NBEA: variants seen among roughly 807,000 people sequenced by gnomAD.
NBEA encodes neurobeachin, also known as lysosomal-trafficking regulator 2.
Under a neutral mutation model 343.4 loss-of-function variants are expected in NBEA, and 44 were observed. That is an observed-to-expected ratio of 0.13 (90% CI 0.10 to 0.16). The LOEUF is 0.16. Among genes scored for constraint, NBEA ranks in the 10% least tolerant of loss-of-function variants. NBEA has a pLI of 1.00. For synonymous variants in NBEA, 1,175 were observed against 1,238.7 expected (o/e 0.95, Z 1.08); for missense variants, 2,555 against 3,631.3 (o/e 0.70, Z 7.62).
Position 35,010,741 on chromosome 13 carries a change from AAT to A in NBEA, c.295-30154_295-30153del, listed in dbSNP as rs869140392. Among the ~76,000 whole-genome samples the A allele has an allele frequency of 9.7e-4, 31 of 31,958 alleles. No homozygotes were observed. The East Asian group carries it at 0.013, about 14-fold the overall frequency. 21.0% of individuals were successfully genotyped at this position (31,958 alleles called of 152,430 possible). ...TGGGTCTCTACAAAAAAAAAAAAAA[AAT>A]ATATATATATATATATATATATATA... On this transcript the variant is annotated intron_variant, in intron 1 of 58. Transcript: ENST00000379939.
intron 1 of NBEA, among the ~76,000 whole-genome samples, chr13:35,002,784 A>G (rs982072164): frequency 6.6e-6 from 1 of 152,048 alleles, no homozygotes; most frequent in Non-Finnish European, 1.5e-5. Context: ...GATGCCATGA[A>G]CTCTTGGAGT....
At position 35,159,506 on chromosome 13, in the gene NBEA, A is replaced by G. The variant is rs1461206721; in HGVS notation, c.3335A>G (p.His1112Arg). ...GTTGAGAAACTCCAGAACAATGTAC[A>G]TGGAAGTGTTGGTATCATTAAAAAA... ...AAVEKLQNNV[H>R]GSVGIIKKNE... Residue 1112 changes from histidine (H) to arginine (R), a missense_variant, in exon 22 of 59, where the codon CAT becomes CGT. By Grantham distance (29) the His-to-Arg change is conservative. Transcript: ENST00000379939. The G allele has an allele frequency of 4.3e-6, 7 of 1,613,232 alleles. No individual in the cohort carries two copies. Among genetic ancestry groups the G allele is most frequent in the African/African-American group, 2.7e-5 (2 of 74,910 alleles).
Position 35,349,221 on chromosome 13 carries a change from G to C in NBEA, c.6012+5G>C. Reference sequence around the variant, plus strand: ...CATAAACATGCAGAGTTTGAGGTAAGGTTTTGGGAGTAGACTAAATTCTGC... The same window carrying C: ...CATAAACATGCAGAGTTTGAGGTAACGTTTTGGGAGTAGACTAAATTCTGC... On this transcript the variant is annotated splice_donor_5th_base_variant and intron_variant, in intron 37 of 58. Transcript: ENST00000379939. 6.5e-7 allele frequency: 1 copy of C among 1,542,026 alleles called. No individual in the cohort carries two copies. The highest frequency in any genetic ancestry group is 8.9e-7 in the Non-Finnish European group (1 of 1,127,130).
At chr13:35,315,129 T>C (rs890356781) in intron 36 of NBEA, among the ~76,000 whole-genome samples, 1 of 152,216 alleles carries the variant, frequency 6.6e-6, no homozygotes, top group African/African-American at 2.4e-5. Flanking sequence ...AAATTCACTT[T>C]ATTTGGGTTG....
At chr13:35,171,185 A>G (rs886386575) in intron 25 of NBEA, 87 bp from the exon 26 acceptor site, 5 of 977,720 alleles carry the variant, frequency 5.1e-6, no homozygotes, top group Non-Finnish European at 6.3e-6. Flanking sequence ...TACTAAATTT[A>G]TGTTCACTTG....
At chr13:35,450,291 T>C (rs1594679278) in intron 39 of NBEA, among the ~76,000 whole-genome samples, 1 of 146,170 alleles carries the variant, frequency 6.8e-6, no homozygotes, top group Non-Finnish European at 1.5e-5. Context: ...CCTGAGAATA[T>C]AGTAAGAGCC....
chr13:35,193,792 A>C (rs930564597), intron 30 of NBEA, among the ~76,000 whole-genome samples: 2 of 151,936 alleles, frequency 1.3e-5, no homozygotes, highest in African/African-American at 4.8e-5. Flanking sequence ...AGATTAATCT[A>C]TTCTTTCAGT....
At chr13:35,654,189 A>G (rs965845157) in intron 53 of NBEA, among the ~76,000 whole-genome samples, 1 of 152,144 alleles carries the variant, frequency 6.6e-6, no homozygotes. Context: ...TCCTGACTTT[A>G]TTCAGATTCA....
intron 16 of NBEA, among the ~76,000 whole-genome samples, chr13:35,122,201 A>AC (rs1278815424): frequency 6.6e-6 from 1 of 152,192 alleles, no homozygotes; most frequent in Non-Finnish European, 1.5e-5. Flanking sequence ...TAAAAACTGA[A>AC]CAATATACTT....
rs750879560 is a variant in NBEA, at chr13:35,670,952, T to C, written c.8865T>C (p.Asp2955=). ...GTAGCATTGTAGCTTTTAATATAGATTTTAATCGGTGGCATTATGAGCATC... is the reference window on the plus strand; with the variant it reads ...GTAGCATTGTAGCTTTTAATATAGACTTTAATCGGTGGCATTATGAGCATC... ...ASGSIVAFNI[D]FNRWHYEHQN... The change falls in exon 59 of 59, where the codon GAT becomes GAC. Residue 2955 remains aspartate, a synonymous_variant. Coordinates refer to ENST00000379939, the MANE Select transcript of NBEA (RefSeq NM_001385012.1). The C allele has an allele frequency of 1.3e-6, 2 of 1,591,424 alleles. No individual in the cohort carries two copies. The highest frequency in any genetic ancestry group is 2.3e-5 in the South Asian group (2 of 87,074).
intron 24 of NBEA, 56 bp downstream of exon 24, chr13:35,164,565 T>A: frequency 6.5e-7 from 1 of 1,535,460 alleles, no homozygotes; most frequent in Non-Finnish European, 8.9e-7. Context: ...GACTTTAGCA[T>A]TTCAGTGGTG....
intron 33 of NBEA, among the ~76,000 whole-genome samples, chr13:35,228,573 A>G (rs763279944): frequency 2.1e-4 from 32 of 152,040 alleles, no homozygotes; most frequent in Non-Finnish European, 4.3e-4. Context: ...TCCAGTGTCT[A>G]TCATTCCATA....
intron 7 of NBEA, among the ~76,000 whole-genome samples, chr13:35,057,962 A>G (rs1030683167): frequency 5.9e-5 from 9 of 152,000 alleles, no homozygotes; most frequent in African/African-American, 2.2e-4. Context: ...TACTTCTTAC[A>G]TATATAATTT....
chr13:35,656,350 G>T (rs1476909595), intron 55 of NBEA, among the ~76,000 whole-genome samples: 1 of 152,154 alleles, frequency 6.6e-6, no homozygotes, highest in Non-Finnish European at 1.5e-5. Flanking sequence ...GGAGAGGCTG[G>T]ACTCCTTCGT....
At chr13:35,203,582 A>G (rs991497723) in intron 31 of NBEA, among the ~76,000 whole-genome samples, 1 of 152,166 alleles carries the variant, frequency 6.6e-6, no homozygotes, top group African/African-American at 2.4e-5. Flanking sequence ...ATATATTGCT[A>G]TATCTCCAGA....
intron 4 of NBEA, among the ~76,000 whole-genome samples, chr13:35,047,830 A>G (rs2062919435): frequency 3.8e-4 from 1 of 2,624 alleles, no homozygotes; most frequent in South Asian, 0.01. Context: ...TCTTTTATGT[A>G]GAATTTTGAT....
chr13:34,982,049 A>G (rs1056575923), intron 1 of NBEA, among the ~76,000 whole-genome samples: 1 of 151,624 alleles, frequency 6.6e-6, no homozygotes, highest in African/African-American at 2.4e-5. Context: ...TGTTAATTCT[A>G]TTATTTGTTT....
chr13:35,544,234 T>G (rs1448459999), intron 41 of NBEA, among the ~76,000 whole-genome samples: 2 of 152,180 alleles, frequency 1.3e-5, no homozygotes, highest in African/African-American at 4.8e-5. Flanking sequence ...CTGCAGCATT[T>G]TCAACAATTC....
intron 43 of NBEA, among the ~76,000 whole-genome samples, 191 bp downstream of exon 43, chr13:35,551,223 G>A (rs1469717361): frequency 1.3e-5 from 2 of 152,068 alleles, no homozygotes; most frequent in African/African-American, 4.8e-5. Context: ...GGTTAGGGCA[G>A]ATTTTTATTT....
Sources: gnomAD v4.1 joint callset for allele counts (sites outside exome capture counted in the v4.1 genomes callset) on GRCh38, gnomAD v4.1.1 for gene constraint, MANE v1.5 for transcripts, NCBI Gene and HGNC (gene_info 2026-07-23, HGNC 2026-07-21) for gene names.